Variants in SLC2A9 observed in about 807,000 individuals in gnomAD.
SLC2A9 encodes the protein solute carrier family 2 member 9, also known as solute carrier family 2, facilitated glucose transporter member 9.
SLC2A9 carries 39 observed loss-of-function variants against 50.6 expected under a neutral mutation model. That is an observed-to-expected ratio of 0.77 (90% CI 0.60 to 1.01). The LOEUF (loss-of-function observed/expected upper bound fraction) is 1.01, where lower values mean the gene tolerates loss of function less well. Ranked by LOEUF, SLC2A9 falls within the 50% of genes least tolerant of loss-of-function variation. The pLI, the probability that SLC2A9 is intolerant of heterozygous loss-of-function variation, is 0.00. For synonymous variants in SLC2A9, 324 were observed against 276.9 expected (o/e 1.17, Z -1.69); for missense variants, 686 against 677.6 (o/e 1.01, Z -0.14).
chr4:10,023,322 G>A (rs531979061), upstream of SLC2A9, among the ~76,000 whole-genome samples: 3 of 152,340 alleles, frequency 2.0e-5, no homozygotes, highest in South Asian at 4.1e-4. Context: ...GCATCCCTGT[G>A]CATGGAGGGC....
intron 5 of SLC2A9, among the ~76,000 whole-genome samples, chr4:9,957,816 T>G (rs935937031): frequency 6.6e-6 from 1 of 152,120 alleles, no homozygotes; most frequent in Non-Finnish European, 1.5e-5. Context: ...AAGAGCAGCC[T>G]ATTATCTGAC....
intron 11 of SLC2A9, among the ~76,000 whole-genome samples, chr4:9,832,099 G>A (rs1726252738): frequency 6.6e-6 from 1 of 152,216 alleles, no homozygotes; most frequent in Non-Finnish European, 1.5e-5. Flanking sequence ...GGTCATGGCG[G>A]CCCGAGGCCC....
chr4:9,947,852 G>A (rs536834542), intron 5 of SLC2A9, among the ~76,000 whole-genome samples: 1 of 152,278 alleles, frequency 6.6e-6, no homozygotes, highest in African/African-American at 2.4e-5. Context: ...CCACAATAAA[G>A]GCTCTGGTGC....
At chr4:9,882,711 GAA>G (rs11355082) in intron 10 of SLC2A9, among the ~76,000 whole-genome samples, 20 of 118,908 alleles carry the variant, frequency 1.7e-4, no homozygotes, top group East Asian at 5.7e-4. Context: ...TCTGTCTCAA[GAA>G]AAAAAAAAAA....
intron 1 of SLC2A9, among the ~76,000 whole-genome samples, chr4:9,773,789 T>C (rs1485163481): frequency 6.6e-6 from 1 of 152,148 alleles, no homozygotes; most frequent in Admixed American, 6.5e-5. Flanking sequence ...CTCAACTCTT[T>C]GTGGGAAAGA....
At chr4:9,908,184 T>C (rs756166192) in intron 8 of SLC2A9, 51 bp downstream of exon 8, 1 of 1,205,446 alleles carries the variant, frequency 8.3e-7, no homozygotes, top group African/African-American at 1.5e-5. Context: ...ATTCCCACTG[T>C]GCTGTGTAAC....
intron 2 of SLC2A9, among the ~76,000 whole-genome samples, chr4:9,997,333 A>G (rs1758857520): frequency 6.6e-6 from 1 of 152,104 alleles, no homozygotes; most frequent in Admixed American, 6.5e-5. Flanking sequence ...TCTGACCCCA[A>G]GCTTATGATG....
downstream of SLC2A9, among the ~76,000 whole-genome samples, chr4:9,774,823 C>T (rs1262906880): frequency 1.3e-5 from 2 of 151,700 alleles, no homozygotes; most frequent in African/African-American, 4.9e-5. Context: ...CTTTCTCTTT[C>T]TCTCCCTTTA....
rs781264782 is a variant in SLC2A9 at position 10,021,263 on chromosome 4, A to G, written c.150+17T>C. The G allele has an allele frequency of 2.5e-6, 4 of 1,612,476 alleles. No individual in the cohort carries two copies. The African/African-American group carries it at 5.3e-5, about 22-fold the overall frequency. On this transcript the variant is annotated intron_variant, in intron 1 of 11. Transcript: ENST00000264784. ...CCCACAGCCCGCCAGCCATGCAGAA[A>G]AGCTGTCCGTAGTTACCTTTCTTCT...
chr4:9,845,020 A>ATTT (rs200870252), intron 10 of SLC2A9, among the ~76,000 whole-genome samples: 1 of 147,502 alleles, frequency 6.8e-6, no homozygotes, highest in African/African-American at 2.5e-5. Context: ...AAAAAGTTCA[A>ATTT]TTTTTTTTTT....
At chr4:9,889,105 C>T (rs1736838378) in intron 9 of SLC2A9, among the ~76,000 whole-genome samples, 1 of 152,188 alleles carries the variant, frequency 6.6e-6, no homozygotes, top group Admixed American at 6.5e-5. Context: ...CACAGGGTTC[C>T]CCCTTGGGGC....
Position 9,814,917 on chromosome 4 carries a change from C to T in SLC2A9, n.420+11503G>A, listed in dbSNP as rs150027780. On this transcript the variant is annotated intron_variant and non_coding_transcript_variant, in intron 3 of 3. Coordinates refer to the SLC2A9 transcript ENST00000503280. ...AAGGTTACTAGATGTCAAAGTGCCA[C>T]GGTGAAAAGGATTAACAAATGTATG... Among the ~76,000 whole-genome samples, 630 of 151,634 alleles carry T rather than the reference C, an allele frequency of 4.2e-3. 8 individuals are homozygous for T. The highest frequency in any genetic ancestry group is 0.014 in the African/African-American group (587 of 41,320).
At chr4:9,982,788 G>A (rs1364767271) in intron 4 of SLC2A9, among the ~76,000 whole-genome samples, 2 of 152,196 alleles carry the variant, frequency 1.3e-5, no homozygotes, top group African/African-American at 4.8e-5. Flanking sequence ...AATACCATCA[G>A]CATTCCTGGA....
chr4:9,909,140 C>T (rs907363574), intron 7 of SLC2A9, among the ~76,000 whole-genome samples: 22 of 152,224 alleles, frequency 1.4e-4, no homozygotes, highest in African/African-American at 5.3e-4. Flanking sequence ...GGGTAATGCA[C>T]AACCTGTTTA....
At chr4:9,872,572 A>T (rs544199806) in intron 10 of SLC2A9, among the ~76,000 whole-genome samples, 1 of 152,290 alleles carries the variant, frequency 6.6e-6, no homozygotes, top group South Asian at 2.1e-4. Context: ...TTCCTGTTGT[A>T]TGCATAAATT....
At chr4:9,994,256 A>G (rs1010225508) in intron 3 of SLC2A9, among the ~76,000 whole-genome samples, 2 of 152,256 alleles carry the variant, frequency 1.3e-5, no homozygotes, top group African/African-American at 2.4e-5. Context: ...TGATGCAAAC[A>G]TGGAGTTTTA....
intron 3 of SLC2A9, among the ~76,000 whole-genome samples, chr4:9,793,753 G>A (rs1255681611): frequency 6.6e-6 from 1 of 152,218 alleles, no homozygotes; most frequent in Non-Finnish European, 1.5e-5. Flanking sequence ...TTCAACAAGA[G>A]CTAAAGGGAA....
chr4:9,837,123 G>A (rs1329577671), intron 10 of SLC2A9, among the ~76,000 whole-genome samples: 1 of 152,170 alleles, frequency 6.6e-6, no homozygotes, highest in African/African-American at 2.4e-5. Flanking sequence ...GAGCCCCTCT[G>A]ATCAGGCACT....
At chr4:9,862,046 A>C (rs574728134) in intron 10 of SLC2A9, among the ~76,000 whole-genome samples, 3 of 152,188 alleles carry the variant, frequency 2.0e-5, no homozygotes, top group Non-Finnish European at 4.4e-5. Flanking sequence ...CCACCCCAAA[A>C]CACGAAGAAC....
Sources: gnomAD v4.1 joint callset for allele counts (sites outside exome capture counted in the v4.1 genomes callset) on GRCh38, gnomAD v4.1.1 for gene constraint, MANE v1.5 for transcripts, NCBI Gene and HGNC (gene_info 2026-07-23, HGNC 2026-07-21) for gene names.